MGAM: variants seen among roughly 807,000 people sequenced by gnomAD.
The protein encoded by MGAM is maltase-glucoamylase, also known as alpha-1,4-glucosidase.
A neutral mutation model predicts 358.8 loss-of-function variants in MGAM; 253 were observed. That is an observed-to-expected ratio of 0.71 (90% CI 0.64 to 0.78). The LOEUF is 0.78. MGAM is among the 30% of genes least tolerant of loss of function. The probability of loss-of-function intolerance (pLI) is 0.00; values close to 1 mark genes in which losing one functional copy is unlikely to be tolerated. For synonymous variants in MGAM, 1,105 were observed against 1,227.1 expected (o/e 0.90, Z 2.08); for missense variants, 3,080 against 3,432.6 (o/e 0.90, Z 2.57).
chr7:142,101,513 A>C (rs894258597), intron 68 of MGAM, among the ~76,000 whole-genome samples: 17 of 151,726 alleles, frequency 1.1e-4, no homozygotes, highest in African/African-American at 4.1e-4. Flanking sequence ...AACAAGCTTA[A>C]ATTTAAACGT....
At chr7:142,087,656 G>A (rs1814882724) in intron 57 of MGAM, among the ~76,000 whole-genome samples, 1 of 146,520 alleles carries the variant, frequency 6.8e-6, no homozygotes, top group African/African-American at 2.4e-5. Flanking sequence ...GAAAAGCTGG[G>A]GAGACAAGGA....
rs1459137075 is a variant in MGAM at position 142,065,723 on chromosome 7, A to G, written c.4662A>G (p.Ala1554=). 5.7e-6 allele frequency: 9 copies of G among 1,580,800 alleles called. No individual in the cohort carries two copies. Among genetic ancestry groups the G allele is most frequent in the African/African-American group, 5.4e-5 (4 of 74,670 alleles). The change falls in exon 40 of 71, where the codon GCA becomes GCG. Residue 1554 remains alanine, a synonymous_variant. Coordinates refer to ENST00000475668, the MANE Select transcript of MGAM (RefSeq NM_001365693.1). ...ATTTCCTCTTGTTTCAGACGGGAGC[A>G]GATATCTGTGGGTTCTTTCAAGACG... ...FSLFGISYTG[A]DICGFFQDAE...
Position 142,045,980 on chromosome 7 carries a change from T to TTATATATACATATAA in MGAM, c.2499-1802_2499-1801insATATACATATAATAT, listed in dbSNP as rs1491354556. On this transcript the variant is annotated intron_variant, in intron 21 of 70. Transcript: ENST00000475668. ...GTATACATACAATATGTAATATATA[T>TTATATATACATATAA]TATGTATACATACAATATGTAATAT... Among the ~76,000 whole-genome samples the TTATATATACATATAA allele has an allele frequency of 3.3e-3, 438 of 131,044 alleles. 71 individuals are homozygous for TTATATATACATATAA. Among genetic ancestry groups the TTATATATACATATAA allele is most frequent in the Middle Eastern group, 0.017 (2 of 120 alleles). 86.0% of individuals were successfully genotyped at this position (131,044 alleles called of 152,430 possible). A position where few individuals can be genotyped will look rare whatever the true frequency, so the allele number is the denominator to read the frequency against.
intron 51 of MGAM, 111 bp from the exon 52 acceptor site, chr7:142,082,364 T>G: frequency 1.6e-6 from 2 of 1,281,670 alleles, no homozygotes; most frequent in South Asian, 2.6e-5. Flanking sequence ...ATGTGTTTAA[T>G]TGATTTCATG....
intron 52 of MGAM, 116 bp from the exon 53 acceptor site, chr7:142,083,185 T>A: frequency 1.3e-6 from 1 of 765,516 alleles, no homozygotes; most frequent in East Asian, 2.8e-5. Context: ...TAGAAAATAC[T>A]GGCTCTTACT....
At position 142,082,533 on chromosome 7, in the gene MGAM, G is replaced by A. The variant is rs1814403146; in HGVS notation, c.6230G>A (p.Ser2077Asn). 3 of 1,532,194 alleles carry A rather than the reference G, an allele frequency of 2.0e-6. 1 individual carries two copies. The Admixed American group carries it at 5.4e-5, about 27-fold the overall frequency. The allele number at this position is 1,532,194 out of a possible 1,614,324, so 94.9% of individuals were successfully genotyped here. A position where few individuals can be genotyped will look rare whatever the true frequency, so the allele number is the denominator to read the frequency against. ...PYYMGLEEDGSAHGVLLLNSN... is the reference protein window; with the variant it reads ...PYYMGLEEDGNAHGVLLLNSN... ...TACATGGGGCTAGAGGAGGATGGCA[G>A]TGCCCATGGAGTGCTCCTGCTGAAC... Residue 2077 changes from serine (S) to asparagine (N), a missense_variant, in exon 52 of 71, where the codon AGT becomes AAT. Coordinates refer to ENST00000475668, the MANE Select transcript of MGAM (RefSeq NM_001365693.1).
Position 142,058,295 on chromosome 7 carries a change from G to A in MGAM, c.3786G>A (p.Leu1262=). 1 of 1,613,966 alleles carries A rather than the reference G, an allele frequency of 6.2e-7. No homozygotes were observed. ...AGAATGACTCTGAGATCGCCAGCTT[G>A]TATGATGAGATGGTGGCTGCCCAGA... The part of the protein sequence containing the change: ...GYQNDSEIAS[L]YDEMVAAQIP... The change falls in exon 31 of 71, where the codon TTG becomes TTA. Residue 1262 remains leucine (L), a synonymous_variant. Coordinates refer to ENST00000475668, the MANE Select transcript of MGAM (RefSeq NM_001365693.1).
intron 1 of MGAM, among the ~76,000 whole-genome samples, chr7:142,002,118 AT>A (rs1328669423): frequency 1.3e-5 from 2 of 152,210 alleles, no homozygotes; most frequent in African/African-American, 2.4e-5. Flanking sequence ...GAATAAAAAA[AT>A]AAGACACTAA....
At chr7:142,041,924 A>ATATAATATATATATTATATATATACG (rs1808676716) in intron 21 of MGAM, among the ~76,000 whole-genome samples, 1 of 30,176 alleles carries the variant, frequency 3.3e-5, no homozygotes, top group Non-Finnish European at 5.0e-5. Context: ...TACGTATAAT[A>ATATAATATATATATTATATATATACG]TATAATATAT....
rs1286033944 is a variant in MGAM at position 142,103,393 on chromosome 7, G to A, written c.8138G>A (p.Ser2713Asn). 6.2e-7 allele frequency: 1 copy of A among 1,612,554 alleles called. No homozygotes were observed. The highest frequency in any genetic ancestry group is 8.5e-7 in the Non-Finnish European group (1 of 1,179,360). ...GTTACCAGTGTCAGCATCTCTGTGA[G>A]TGGCATGGTCATAACACCCTCCTTC... Reference protein sequence around the residue: ...VPVTSVSISVSGMVITPSFNN... With the variant: ...VPVTSVSISVNGMVITPSFNN... Residue 2713 changes from serine to asparagine, a missense_variant, in exon 70 of 71, where the codon AGT becomes AAT. By Grantham distance (46) the Ser-to-Asn change is conservative. Around this residue, in one of 5 missense-constraint regions of MGAM, gnomAD observed 194 missense variants for 172.8 expected, o/e 1.12. Transcript: ENST00000475668.
Position 142,087,534 on chromosome 7 carries a change from G to A in MGAM, c.6810+817G>A, listed in dbSNP as rs111506708. On this transcript the variant is annotated intron_variant, in intron 57 of 70. Coordinates refer to ENST00000475668, the MANE Select transcript of MGAM (RefSeq NM_001365693.1). Reference sequence around the variant, plus strand: ...CAGGATTCTTAGTGCGGGTCCAAGGGCTTCCTGGAGACCAAGTACCTTGCC... The same window carrying A: ...CAGGATTCTTAGTGCGGGTCCAAGGACTTCCTGGAGACCAAGTACCTTGCC... 1.3e-3 allele frequency among the ~76,000 whole-genome samples: 196 copies of A among 146,218 alleles called. 21 individuals are homozygous for A. Among genetic ancestry groups the A allele is most frequent in the Admixed American group, 9.9e-3 (144 of 14,492 alleles).
intron 3 of MGAM, among the ~76,000 whole-genome samples, chr7:142,009,244 G>A (rs1805413705): frequency 6.6e-6 from 1 of 152,130 alleles, no homozygotes; most frequent in Non-Finnish European, 1.5e-5. Flanking sequence ...TAAAGACAGT[G>A]CAGACATCTG....
chr7:142,065,232 C>G, intron 37 of MGAM, 103 bp from the exon 38 acceptor site: 1 of 1,465,942 alleles, frequency 6.8e-7, no homozygotes, highest in African/African-American at 1.4e-5. Context: ...CCTCCAGTCA[C>G]GCAGCAAACA....
At chr7:142,086,144 G>T in intron 55 of MGAM, 74 bp from the exon 56 acceptor site, 1 of 1,433,716 alleles carries the variant, frequency 7.0e-7, no homozygotes. Flanking sequence ...CGCCCTGGAG[G>T]AGTTCTCCTT....
rs748337859 is a variant in MGAM, at chr7:142,092,551, G to A, written c.6976G>A (p.Gly2326Arg). 3 of 1,549,474 alleles carry A rather than the reference G, an allele frequency of 1.9e-6. 1 individual carries two copies. Among genetic ancestry groups the A allele is most frequent in the Non-Finnish European group, 2.7e-6 (3 of 1,129,272 alleles). The change falls in exon 59 of 71, where the codon GGG becomes AGG. Residue 2326 changes from glycine (G) to arginine (R), a missense_variant. Transcript: ENST00000475668. ...GAATGAACCATCAAGCTTCGTGAAT[G>A]GGGCAGTTTCTCCAGGCTGCAGGGA... ...DMNEPSSFVN[G>R]AVSPGCRDAS... is the part of the protein sequence containing the mutation.
rs1433013446 is a variant in MGAM, at chr7:142,055,888, T to A, written c.3484-112T>A. 4.1e-6 allele frequency: 6 copies of A among 1,450,128 alleles called. No individual in the cohort carries two copies. The African/African-American group carries it at 8.5e-5, about 20-fold the overall frequency. The allele number at this position is 1,450,128 out of a possible 1,614,324, so 89.8% of individuals were successfully genotyped here. The stretch of plus-strand genomic sequence containing the variant: ...TTGTTTCATGTGTTTAGTTTATGTG[T>A]CTAGTTTCATGGAGAAAACTAGAGC... On this transcript the variant is annotated intron_variant, in intron 28 of 70. Transcript: ENST00000475668.
intron 70 of MGAM, among the ~76,000 whole-genome samples, chr7:142,103,760 A>G (rs1432660522): frequency 1.3e-5 from 2 of 152,164 alleles, no homozygotes; most frequent in African/African-American, 4.8e-5. Context: ...ATTTTATCAA[A>G]TATGATACCA....
intron 1 of MGAM, among the ~76,000 whole-genome samples, chr7:141,996,173 G>A (rs543302321): frequency 2.0e-5 from 3 of 151,844 alleles, no homozygotes; most frequent in East Asian, 1.9e-4. Flanking sequence ...GGTGGCGGGC[G>A]CCTGTAGTCC....
At chr7:142,038,672 C>T in intron 19 of MGAM, 57 bp downstream of exon 19, 1 of 1,272,686 alleles carries the variant, frequency 7.9e-7, no homozygotes, top group Non-Finnish European at 1.1e-6. Flanking sequence ...TGCTGCCCTG[C>T]AAACTCCTCT....
Sources: allele counts gnomAD v4.1 joint callset (sites outside exome capture counted in the v4.1 genomes callset), GRCh38; gene constraint gnomAD v4.1.1; regional missense constraint gnomAD v4.1.1; transcripts MANE v1.5; gene names NCBI Gene and HGNC (gene_info 2026-07-23, HGNC 2026-07-21).